BCOR: variants seen among roughly 807,000 people sequenced by gnomAD.
BCOR encodes the protein BCL-6 corepressor.
BCOR carries 10 observed loss-of-function variants against 86.7 expected under a neutral mutation model. That is an observed-to-expected ratio of 0.12 (90% CI 0.07 to 0.20). The LOEUF is 0.20. BCOR is among the 10% of genes least tolerant of loss of function. The pLI is 1.00. For missense variants in BCOR, 1,259 were observed against 1,452.1 expected, an observed-to-expected ratio of 0.87 and a Z score of 2.16; for synonymous variants, 611 against 609.0, an observed-to-expected ratio of 1.00 and a Z score of -0.05.
intron 1 of BCOR, among the ~76,000 whole-genome samples, chrX:40,155,023 G>T (rs1176359363): frequency 1.8e-5 from 2 of 110,826 alleles, no homozygotes; most frequent in South Asian, 3.8e-4. Flanking sequence ...GCCCGCCGCG[G>T]CCCGCAGTGC....
At chrX:40,128,155 G>A (rs1242083697) in intron 1 of BCOR, among the ~76,000 whole-genome samples, 2 of 111,322 alleles carry the variant, frequency 1.8e-5, no homozygotes, top group African/African-American at 6.5e-5. Flanking sequence ...AACCCGGAAG[G>A]AGGAAGTTGT....
At chrX:40,116,109 G>A (rs900074585) in intron 1 of BCOR, among the ~76,000 whole-genome samples, 4 of 111,781 alleles carry the variant, frequency 3.6e-5, no homozygotes, top group Non-Finnish European at 7.5e-5. Flanking sequence ...TCAGCTCCTA[G>A]AAGAACAATA....
intron 1 of BCOR, among the ~76,000 whole-genome samples, chrX:40,103,103 TG>T (rs201972249): frequency 2.0e-5 from 2 of 100,899 alleles, no homozygotes; most frequent in Admixed American, 2.1e-4. Flanking sequence ...GGGGGTGGGG[TG>T]GGGGGGCTCA....
intron 1 of BCOR, among the ~76,000 whole-genome samples, chrX:40,168,690 T>C (rs1050571579): frequency 4.4e-5 from 5 of 112,699 alleles, no homozygotes; most frequent in African/African-American, 1.3e-4. Context: ...AGACGCCACA[T>C]CGGGCCTTCC....
chrX:40,052,139 G>A lies in BCOR; in HGVS notation c.5238C>T (p.Pro1746=), dbSNP rs1384682749. ...LLGSSVEWLH[P]SDLASDNYW ...AGTAGTTGTCTGAGGCCAGATCACT[G>A]GGGTGGAGCCACTCTACAGAGGAGC... Residue 1746 remains proline, a synonymous_variant, in exon 15 of 15, where the codon CCC becomes CCT. Coordinates refer to ENST00000378444, the MANE Select transcript of BCOR (RefSeq NM_001123385.2). The A allele has an allele frequency of 8.3e-7, 1 of 1,201,602 alleles. No homozygotes were observed. Among genetic ancestry groups the A allele is most frequent in the African/African-American group, 1.7e-5 (1 of 57,683 alleles).
intron 12 of BCOR, 70 bp from the exon 13 acceptor site, chrX:40,054,403 G>A (rs1402275230): frequency 5.0e-5 from 45 of 904,419 alleles, no homozygotes; most frequent in Middle Eastern, 2.8e-4. Flanking sequence ...GCAGAGCCAC[G>A]TGGCATTTTT....
intron 1 of BCOR, among the ~76,000 whole-genome samples, chrX:40,166,475 T>C (rs1382978001): frequency 8.9e-6 from 1 of 111,917 alleles, no homozygotes; most frequent in African/African-American, 3.3e-5. Flanking sequence ...TGCCTTTCTT[T>C]CCTCCTGTTA....
intron 1 of BCOR, among the ~76,000 whole-genome samples, chrX:40,159,713 A>C (rs982033063): frequency 1.7e-4 from 19 of 112,434 alleles, no homozygotes; most frequent in African/African-American, 6.1e-4. Context: ...TTTCAGATTT[A>C]AAGAAAATAG....
chrX:40,057,121 C>A, intron 11 of BCOR, 34 bp downstream of exon 11: 1 of 1,205,476 alleles, frequency 8.3e-7, no homozygotes, highest in Non-Finnish European at 1.1e-6. Flanking sequence ...TTGGTCTCAG[C>A]AGAGCCAGGC....
At chrX:40,061,429 C>T (rs895196400) in intron 10 of BCOR, among the ~76,000 whole-genome samples, 4 of 111,203 alleles carry the variant, frequency 3.6e-5, no homozygotes, top group East Asian at 5.6e-4. Flanking sequence ...CATCTGAAAG[C>T]GGGAATAATA....
intron 6 of BCOR, 104 bp from the exon 7 acceptor site, chrX:40,064,703 A>G: frequency 3.2e-6 from 3 of 935,069 alleles, no homozygotes; most frequent in South Asian, 4.4e-5. Context: ...GTAATCTGCT[A>G]TTGACAGCTG....
chrX:40,064,602 G>A lies in BCOR; in HGVS notation c.3239-3C>T, dbSNP rs928834900. On this transcript the variant is annotated splice_polypyrimidine_tract_variant and splice_region_variant and intron_variant, in intron 6 of 14. Coordinates refer to ENST00000378444, the MANE Select transcript of BCOR (RefSeq NM_001123385.2). ...CTTGTTTCCAACACTATACTCGCCT[G>A]GGGGAGGGGAGACAAGAGGGCATTA... The A allele has an allele frequency of 1.1e-5, 13 of 1,211,788 alleles. No individual in the cohort carries two copies. Among genetic ancestry groups the A allele is most frequent in the Non-Finnish European group, 1.5e-5 (13 of 895,239 alleles).
In BCOR at chrX:40,116,770, C is replaced by T. The variant is rs143767164; in HGVS notation, c.-40-38801G>A. On this transcript the variant is annotated intron_variant, in intron 1 of 14. Transcript: ENST00000342274. ...TGGGTGCTTTATTTGGATCTGAAGG[C>T]AGTGGCCTTACTGCATCCTGGCATG... is the stretch of plus-strand genomic sequence containing the variant. Among the ~76,000 whole-genome samples, 613 of 112,497 alleles carry T rather than the reference C, an allele frequency of 5.4e-3. 7 individuals are homozygous for T. The highest frequency in any genetic ancestry group is 8.2e-3 in the Non-Finnish European group (439 of 53,248).
chrX:40,095,342 G>A (rs184855846), intron 1 of BCOR, among the ~76,000 whole-genome samples: 7 of 111,417 alleles, frequency 6.3e-5, no homozygotes, highest in Non-Finnish European at 1.3e-4. Flanking sequence ...AATTCTGTTG[G>A]CAAAACCGAA....
chrX:40,110,077 G>A lies in BCOR; in HGVS notation c.-40-32108C>T, dbSNP rs552280566. Reference sequence around the variant, plus strand: ...CATTTAATGAATTCACCCGGGAGAGGAAGGCTGCCTTTTTAGGGACCATGA... The same window carrying A: ...CATTTAATGAATTCACCCGGGAGAGAAAGGCTGCCTTTTTAGGGACCATGA... On this transcript the variant is annotated intron_variant, in intron 1 of 14. Coordinates refer to the BCOR transcript ENST00000342274. 5.4e-4 allele frequency among the ~76,000 whole-genome samples: 61 copies of A among 112,744 alleles called. No individual in the cohort carries two copies. In the Middle Eastern group the frequency reaches 0.023, roughly 42 times the overall value.
In BCOR at chrX:40,063,705, A is replaced by G. The variant is rs1216032041; in HGVS notation, c.3750T>C (p.Thr1250=). 1 of 1,209,716 alleles carries G rather than the reference A, an allele frequency of 8.3e-7. No individual in the cohort carries two copies. Among genetic ancestry groups the G allele is most frequent in the East Asian group, 3.0e-5 (1 of 33,742 alleles). ...TGCCAGGTTTCTCTTCAGTGATGTTAGTCCCCTGAGGAATGGCCTCAGGCT... is the reference window on the plus strand; with the variant it reads ...TGCCAGGTTTCTCTTCAGTGATGTTGGTCCCCTGAGGAATGGCCTCAGGCT... ...ATQPEAIPQG[T]NITEEKPGRK... Residue 1250 remains threonine, a synonymous_variant, in exon 8 of 15, where the codon ACT becomes ACC. Coordinates refer to ENST00000378444, the MANE Select transcript of BCOR (RefSeq NM_001123385.2).
chrX:40,098,609 G>A (rs1414880056), upstream of BCOR, among the ~76,000 whole-genome samples: 1 of 111,274 alleles, frequency 9.0e-6, no homozygotes, highest in Non-Finnish European at 1.9e-5. Context: ...GGCAGCAGCC[G>A]CTGCCGCCGC....
rs1936967405 is a variant in BCOR at position 40,097,814 on chromosome X, C to T, written c.-640G>A. Among the ~76,000 whole-genome samples, 1 of 110,781 alleles carries T rather than the reference C, an allele frequency of 9.0e-6. No individual in the cohort carries two copies. Among genetic ancestry groups the T allele is most frequent in the Non-Finnish European group, 1.9e-5 (1 of 52,128 alleles). The stretch of plus-strand genomic sequence containing the variant: ...CCGCCCGGCGGCTCGCGGGCTCCCC[C>T]TCCGCCGCCGCCGCCCGCCTAGCTC... On this transcript the variant is annotated 5_prime_UTR_variant, in exon 1 of 15. Transcript: ENST00000378444.
intron 9 of BCOR, 144 bp from the exon 10 acceptor site, chrX:40,062,537 C>T: frequency 1.2e-6 from 1 of 850,751 alleles, no homozygotes; most frequent in Non-Finnish European, 1.7e-6. Context: ...GGGTGCCTGT[C>T]AAAGGAGGGT....
Sources: gnomAD v4.1 joint callset for allele counts (sites outside exome capture counted in the v4.1 genomes callset) on GRCh38, gnomAD v4.1.1 for gene constraint, MANE v1.5 for transcripts, NCBI Gene and HGNC (gene_info 2026-07-23, HGNC 2026-07-21) for gene names.